SUSD3: variants seen among roughly 807,000 people sequenced by gnomAD.
The protein encoded by SUSD3 is sushi domain containing 3.
Under a neutral mutation model 20.6 loss-of-function variants are expected in SUSD3, and 18 were observed. The ratio of observed to expected loss-of-function variants is 0.87; its 90% CI spans 0.60 to 1.30. The LOEUF is 1.30. SUSD3 is among the 50% of genes most tolerant of loss of function. The pLI is 0.00. For synonymous variants in SUSD3, 137 were observed against 141.5 expected, an observed-to-expected ratio of 0.97 and a Z score of 0.23; for missense variants, 306 against 346.9, an observed-to-expected ratio of 0.88 and a Z score of 0.94.
At chr9:93,058,916 G>T (rs998528720) in intron 1 of SUSD3, 86 bp downstream of exon 1, 3 of 794,452 alleles carry the variant, frequency 3.8e-6, no homozygotes, top group Admixed American at 4.3e-5. Context: ...TCGCGGGGCC[G>T]CACAGCCGTG....
chr9:93,072,592 C>T (rs935189610), intron 1 of SUSD3, among the ~76,000 whole-genome samples: 2 of 152,266 alleles, frequency 1.3e-5, no homozygotes, highest in East Asian at 1.9e-4. Flanking sequence ...GCCTCAGTTT[C>T]CCCCCAGATG....
intron 1 of SUSD3, among the ~76,000 whole-genome samples, chr9:93,067,499 G>A (rs943181108): frequency 2.6e-5 from 4 of 152,084 alleles, no homozygotes; most frequent in South Asian, 4.1e-4. Flanking sequence ...AAAAACCACC[G>A]GACAGTTTTC....
intron 1 of SUSD3, among the ~76,000 whole-genome samples, chr9:93,060,448 C>T (rs935257930): frequency 6.6e-6 from 1 of 152,126 alleles, no homozygotes; most frequent in Non-Finnish European, 1.5e-5. Flanking sequence ...CCATCACTCC[C>T]CTGCCATGTG....
At chr9:93,070,797 A>T (rs1381270119) in intron 1 of SUSD3, among the ~76,000 whole-genome samples, 2 of 152,244 alleles carry the variant, frequency 1.3e-5, no homozygotes, top group Non-Finnish European at 2.9e-5. Flanking sequence ...CACAGGCTGG[A>T]ACCCGTGTGT....
At chr9:93,081,084 G>C (rs555694925) in intron 4 of SUSD3, among the ~76,000 whole-genome samples, 9 of 152,236 alleles carry the variant, frequency 5.9e-5, no homozygotes, top group African/African-American at 1.7e-4. Context: ...CACACTTTTT[G>C]TGGGCTCCAG....
At chr9:93,058,940 G>T in intron 1 of SUSD3, 110 bp downstream of exon 1, 1 of 583,600 alleles carries the variant, frequency 1.7e-6, no homozygotes, top group Non-Finnish European at 2.6e-6. Flanking sequence ...GGGGGCCACA[G>T]CAACGATCTG....
chr9:93,069,868 T>C (rs1055542305), intron 1 of SUSD3, among the ~76,000 whole-genome samples: 1 of 151,994 alleles, frequency 6.6e-6, no homozygotes, highest in Non-Finnish European at 1.5e-5. Context: ...CAACCTCTGC[T>C]TCCTGGGATC....
At chr9:93,066,231 C>A (rs1336030326) in intron 1 of SUSD3, among the ~76,000 whole-genome samples, 2 of 152,152 alleles carry the variant, frequency 1.3e-5, no homozygotes, top group African/African-American at 4.8e-5. Flanking sequence ...AAAGTATCTT[C>A]AGTTGCTTTT....
intron 2 of SUSD3, 38 bp downstream of exon 2, chr9:93,076,010 G>C (rs997302832): frequency 2.6e-6 from 4 of 1,538,582 alleles, no homozygotes; most frequent in East Asian, 2.3e-5. Flanking sequence ...CTCTGGGGGT[G>C]GGGGATGGCC....
chr9:93,070,030 C>T (rs1290350291), intron 1 of SUSD3, among the ~76,000 whole-genome samples: 4 of 152,148 alleles, frequency 2.6e-5, no homozygotes, highest in Non-Finnish European at 4.4e-5. Context: ...CCACCTGCCT[C>T]GGCCTCCCAA....
intron 4 of SUSD3, among the ~76,000 whole-genome samples, chr9:93,083,629 T>C (rs1826516351): frequency 1.3e-5 from 2 of 152,246 alleles, no homozygotes; most frequent in Non-Finnish European, 2.9e-5. Flanking sequence ...AAGAAACTTG[T>C]GTAGACTCCC....
chr9:93,079,616 T>G lies in SUSD3; in HGVS notation c.557+14T>G. 1 of 1,612,950 alleles carries G rather than the reference T, an allele frequency of 6.2e-7. No individual in the cohort carries two copies. The highest frequency in any genetic ancestry group is 1.7e-5 in the Admixed American group (1 of 59,992). ...CAGCTTCACCACGTGAGCCCGGGTC[T>G]GGGTAGGGGACATGCTGGGGGACAA... On this transcript the variant is annotated intron_variant, in intron 4 of 4. Coordinates refer to ENST00000375472, the MANE Select transcript of SUSD3 (RefSeq NM_145006.4).
rs867111294 is a variant in SUSD3 at position 93,083,245 on chromosome 9, A to C, written c.558-1292A>C. 3.3e-5 allele frequency among the ~76,000 whole-genome samples: 5 copies of C among 152,288 alleles called. 1 individual carries two copies. The highest frequency in any genetic ancestry group is 6.8e-3 in the Middle Eastern group (2 of 294). On this transcript the variant is annotated intron_variant, in intron 4 of 4. Transcript: ENST00000375472. ...GCCCCTTCCCGGAGCTCTCTCACAC[A>C]TGGAGACCTCGAGCACTCAGCCCAG...
intron 1 of SUSD3, 121 bp downstream of exon 1, chr9:93,058,951 C>T: frequency 1.9e-6 from 1 of 537,754 alleles, no homozygotes; most frequent in South Asian, 7.5e-5. Context: ...CAACGATCTG[C>T]CCCGAGGACG....
intron 4 of SUSD3, among the ~76,000 whole-genome samples, chr9:93,080,978 A>G (rs566647802): frequency 2.6e-5 from 4 of 152,328 alleles, no homozygotes; most frequent in Non-Finnish European, 4.4e-5. Context: ...AAAGTAGAAT[A>G]TTGTCACAGA....
chr9:93,071,149 G>T (rs535855844), intron 1 of SUSD3, among the ~76,000 whole-genome samples: 127 of 152,264 alleles, frequency 8.3e-4, no homozygotes, highest in African/African-American at 2.7e-3. Flanking sequence ...TATTAGTCAG[G>T]GTTCTCTAGA....
intron 3 of SUSD3, among the ~76,000 whole-genome samples, chr9:93,079,225 T>A (rs950298361): frequency 1.3e-5 from 2 of 152,254 alleles, no homozygotes; most frequent in Non-Finnish European, 2.9e-5. Flanking sequence ...AAAGTTTTAT[T>A]GGAACACAGC....
chr9:93,064,015 G>A (rs189447661), intron 1 of SUSD3, among the ~76,000 whole-genome samples: 55 of 152,132 alleles, frequency 3.6e-4, no homozygotes, highest in African/African-American at 1.3e-3. Context: ...GTGTTACCTC[G>A]CTGGCTGGTC....
chr9:93,080,405 C>T (rs533559892), intron 4 of SUSD3, among the ~76,000 whole-genome samples: 8 of 151,616 alleles, frequency 5.3e-5, no homozygotes, highest in South Asian at 4.2e-4. Context: ...TCCATAATCA[C>T]ACGCAGCACT....
Sources: allele counts gnomAD v4.1 joint callset (sites outside exome capture counted in the v4.1 genomes callset), GRCh38; gene constraint gnomAD v4.1.1; transcripts MANE v1.5; gene names NCBI Gene and HGNC (gene_info 2026-07-23, HGNC 2026-07-21).